The following DCLK2 variants were observed in gnomAD, a reference collection of about 807,000 sequenced individuals.
DCLK2 encodes the protein serine/threonine-protein kinase DCLK2.
Under a neutral mutation model 78.4 loss-of-function variants are expected in DCLK2, and 31 were observed. That is an observed-to-expected ratio of 0.40 (90% CI 0.30 to 0.53). The LOEUF is 0.53. DCLK2 is among the 20% of genes least tolerant of loss of function. The probability of loss-of-function intolerance (pLI) is 0.61; values close to 1 mark genes in which losing one functional copy is unlikely to be tolerated. For synonymous variants in DCLK2, 407 were observed against 374.9 expected, an observed-to-expected ratio of 1.09 and a Z score of -0.99; for missense variants, 872 against 973.7, an observed-to-expected ratio of 0.90 and a Z score of 1.39.
intron 4 of DCLK2, among the ~76,000 whole-genome samples, chr4:150,203,347 T>C (rs1358260029): frequency 6.6e-6 from 1 of 152,216 alleles, no homozygotes; most frequent in Non-Finnish European, 1.5e-5. Context: ...TGTACTTGAT[T>C]TGGGAGAGCC....
intron 5 of DCLK2, among the ~76,000 whole-genome samples, chr4:150,210,729 C>T (rs1480102080): frequency 6.6e-6 from 1 of 152,038 alleles, no homozygotes; most frequent in Admixed American, 6.5e-5. Flanking sequence ...GGGTGGATCA[C>T]CTGAGGTCAG....
At chr4:150,231,334 G>A (rs1742041721) in intron 8 of DCLK2, among the ~76,000 whole-genome samples, 1 of 152,228 alleles carries the variant, frequency 6.6e-6, no homozygotes, top group Non-Finnish European at 1.5e-5. Context: ...TTTATTGAGT[G>A]ACTGCTTGGA....
chr4:150,079,002 T>C lies in DCLK2; in HGVS notation c.-26T>C. The C allele has an allele frequency of 1.3e-6, 2 of 1,509,914 alleles. No individual in the cohort carries two copies. The highest frequency in any genetic ancestry group is 1.8e-6 in the Non-Finnish European group (2 of 1,132,922). The allele number at this position is 1,509,914 out of a possible 1,614,324, so 93.5% of individuals were successfully genotyped here. On this transcript the variant is annotated 5_prime_UTR_variant, in exon 1 of 16. Coordinates refer to ENST00000296550, the MANE Select transcript of DCLK2 (RefSeq NM_001040260.4). ...CCCTTAGTCGGCCCGGAACGTCTTT[T>C]TGCGGACGCCCTCGGAGCAGCCGCG...
At chr4:150,156,908 C>G (rs1306239428) in intron 2 of DCLK2, among the ~76,000 whole-genome samples, 1 of 151,478 alleles carries the variant, frequency 6.6e-6, no homozygotes. Context: ...GTAGCTGAGG[C>G]CACCGATGTG....
At chr4:150,222,991 A>G (rs1199832960) in intron 7 of DCLK2, among the ~76,000 whole-genome samples, 7 of 152,158 alleles carry the variant, frequency 4.6e-5, no homozygotes, top group Non-Finnish European at 4.4e-5. Context: ...ATAGGCTGCT[A>G]TCCTTCCCAT....
chr4:150,193,325 A>G, intron 3 of DCLK2, 85 bp downstream of exon 3: 1 of 816,778 alleles, frequency 1.2e-6, no homozygotes, highest in Non-Finnish European at 2.0e-6. Flanking sequence ...CAGTTGGTGC[A>G]TGTTAAGAAG....
At chr4:150,201,098 A>G (rs1294936640) in intron 4 of DCLK2, among the ~76,000 whole-genome samples, 2 of 152,190 alleles carry the variant, frequency 1.3e-5, no homozygotes, top group Non-Finnish European at 2.9e-5. Context: ...GATTACAGAC[A>G]TGAGCCACCA....
At chr4:150,098,487 G>A (rs557647084) in intron 1 of DCLK2, among the ~76,000 whole-genome samples, 4 of 152,194 alleles carry the variant, frequency 2.6e-5, no homozygotes, top group African/African-American at 7.2e-5. Context: ...ATACATATGC[G>A]TGGTCCTAGT....
At chr4:150,195,454 GATATATT>G (rs1264082067) in intron 3 of DCLK2, among the ~76,000 whole-genome samples, 1 of 43,488 alleles carries the variant, frequency 2.3e-5, no homozygotes, top group East Asian at 5.1e-4. Flanking sequence ...ATATATATTA[GATATATT>G]ATATATTATA....
At chr4:150,156,001 C>A (rs1441544414) in intron 2 of DCLK2, among the ~76,000 whole-genome samples, 1 of 151,976 alleles carries the variant, frequency 6.6e-6, no homozygotes, top group Non-Finnish European at 1.5e-5. Flanking sequence ...TCAGGAAAGA[C>A]AGATGAATGT....
intron 2 of DCLK2, among the ~76,000 whole-genome samples, chr4:150,169,788 A>G (rs530042110): frequency 2.6e-5 from 4 of 152,144 alleles, no homozygotes; most frequent in African/African-American, 9.7e-5. Context: ...GCTTTATTTG[A>G]TCATGATCTA....
At chr4:150,104,419 A>AAAAAAAAAAAAAAAAC (rs1731102925) in intron 2 of DCLK2, among the ~76,000 whole-genome samples, 2 of 145,754 alleles carry the variant, frequency 1.4e-5, no homozygotes, top group African/African-American at 2.5e-5. Flanking sequence ...AAAAAAAAAA[A>AAAAAAAAAAAAAAAAC]AAAATCGAGC....
In DCLK2 at chr4:150,112,229, G is replaced by A. The variant is rs1316719828; in HGVS notation, c.756+9417G>A. Among the ~76,000 whole-genome samples, 4 of 152,206 alleles carry A rather than the reference G, an allele frequency of 2.6e-5. No individual in the cohort carries two copies. In the South Asian group the frequency reaches 8.3e-4, roughly 32 times the overall value. ...TTTTATTTTATTTTTTGCAGCTATT[G>A]TATAAAGGATTGGAGTCTTGATTTG... On this transcript the variant is annotated intron_variant, in intron 2 of 15. Transcript: ENST00000296550.
chr4:150,173,575 A>G (rs1736714875), intron 2 of DCLK2, among the ~76,000 whole-genome samples: 3 of 152,194 alleles, frequency 2.0e-5, no homozygotes, highest in Admixed American at 1.3e-4. Flanking sequence ...GAGCCTACCC[A>G]CAAGGATGTG....
At chr4:150,107,709 C>T (rs149917159) in intron 2 of DCLK2, among the ~76,000 whole-genome samples, 1 of 152,114 alleles carries the variant, frequency 6.6e-6, no homozygotes, top group Non-Finnish European at 1.5e-5. Flanking sequence ...GGATTTAAAT[C>T]TATTTGTCTT....
At chr4:150,104,428 G>C in intron 2 of DCLK2, among the ~76,000 whole-genome samples, 1 of 57,966 alleles carries the variant, frequency 1.7e-5, no homozygotes, top group Non-Finnish European at 3.7e-5. Flanking sequence ...AAAAAATCGA[G>C]CATCTAATTC....
chr4:150,176,337 G>A (rs1399219463), intron 2 of DCLK2, among the ~76,000 whole-genome samples: 1 of 152,178 alleles, frequency 6.6e-6, no homozygotes, highest in Non-Finnish European at 1.5e-5. Flanking sequence ...TGAGTGCTCT[G>A]GGTGTAAGAG....
intron 2 of DCLK2, among the ~76,000 whole-genome samples, chr4:150,134,273 G>A (rs967246274): frequency 5.3e-5 from 8 of 151,588 alleles, no homozygotes; most frequent in Admixed American, 1.3e-4. Context: ...GTAGAGATGC[G>A]GTTTCACCAT....
intron 8 of DCLK2, among the ~76,000 whole-genome samples, chr4:150,228,729 A>G (rs545442309): frequency 6.6e-6 from 1 of 152,354 alleles, no homozygotes; most frequent in South Asian, 2.1e-4. Context: ...AAAGTTCCAG[A>G]TAAAACTATG....
Sources: allele counts gnomAD v4.1 joint callset (sites outside exome capture counted in the v4.1 genomes callset), GRCh38; gene constraint gnomAD v4.1.1; transcripts MANE v1.5; gene names NCBI Gene and HGNC (gene_info 2026-07-23, HGNC 2026-07-21).